GRM1: variants seen among roughly 807,000 people sequenced by gnomAD.
GRM1 encodes metabotropic glutamate receptor 1.
A neutral mutation model predicts 90.9 loss-of-function variants in GRM1; 33 were observed. The ratio of observed to expected loss-of-function variants is 0.36; its 90% CI spans 0.28 to 0.49. GRM1 has a LOEUF of 0.49. GRM1 is among the 20% of genes least tolerant of loss of function. GRM1 has a pLI of 0.99. For missense variants in GRM1, 1,190 were observed against 1,534.3 expected, an observed-to-expected ratio of 0.78 and a Z score of 3.75; for synonymous variants, 700 against 613.2, an observed-to-expected ratio of 1.14 and a Z score of -2.09.
At chr6:146,118,140 C>CTTTTTTTTTTTT (rs67033918) in intron 1 of GRM1, among the ~76,000 whole-genome samples, 1 of 115,456 alleles carries the variant, frequency 8.7e-6, no homozygotes, top group Non-Finnish European at 1.7e-5. Flanking sequence ...TTCTTCTTTT[C>CTTTTTTTTTTTT]TTTTTTTTTT....
rs369215679 is a variant in GRM1 at position 146,166,536 on chromosome 6, A to G, written c.950+6939A>G. Among the ~76,000 whole-genome samples, 55 of 152,278 alleles carry G rather than the reference A, an allele frequency of 3.6e-4. No homozygotes were observed. The South Asian group carries it at 6.2e-3, about 17-fold the overall frequency. On this transcript the variant is annotated intron_variant, in intron 2 of 7. Coordinates refer to ENST00000282753, the MANE Select transcript of GRM1 (RefSeq NM_001278064.2). ...GAGATTAGTAAATAGTAGTCGGAGT[A>G]GTAAAAAACAATTTGCAGTTCTCTT...
chr6:146,397,626 G>A (rs1443323639), intron 6 of GRM1, among the ~76,000 whole-genome samples: 2 of 152,200 alleles, frequency 1.3e-5, no homozygotes, highest in Middle Eastern at 3.4e-3. Flanking sequence ...GGAGTTTAGG[G>A]ATTGAAAACC....
At chr6:146,163,765 G>C (rs1402468529) in intron 2 of GRM1, among the ~76,000 whole-genome samples, 1 of 152,124 alleles carries the variant, frequency 6.6e-6, no homozygotes, top group Non-Finnish European at 1.5e-5. Flanking sequence ...GGGAAAATCA[G>C]CTAAAGTATC....
chr6:146,312,756 G>A (rs1783820753), intron 3 of GRM1, among the ~76,000 whole-genome samples: 1 of 152,184 alleles, frequency 6.6e-6, no homozygotes, highest in East Asian at 1.9e-4. Context: ...AGTGATTTGA[G>A]ACTGATCAAC....
chr6:146,409,379 G>A (rs1777477481), intron 7 of GRM1, among the ~76,000 whole-genome samples: 1 of 152,152 alleles, frequency 6.6e-6, no homozygotes, highest in Non-Finnish European at 1.5e-5. Flanking sequence ...GGAGGGGGAA[G>A]AAAACTCCAT....
chr6:146,245,372 A>G (rs1478013263), intron 2 of GRM1, among the ~76,000 whole-genome samples: 1 of 152,208 alleles, frequency 6.6e-6, no homozygotes, highest in Non-Finnish European at 1.5e-5. Context: ...CAGGCAAAAC[A>G]TTAGGCATGA....
At chr6:146,211,588 A>G (rs1037509154) in intron 2 of GRM1, among the ~76,000 whole-genome samples, 9 of 152,196 alleles carry the variant, frequency 5.9e-5, no homozygotes, top group Non-Finnish European at 1.3e-4. Flanking sequence ...GTTGGTGGCT[A>G]GAACATATTT....
chr6:146,271,667 TCAC>T (rs1044381428), intron 2 of GRM1, among the ~76,000 whole-genome samples: 1 of 152,212 alleles, frequency 6.6e-6, no homozygotes, highest in Admixed American at 6.5e-5. Flanking sequence ...AGGCAGTCTG[TCAC>T]CTTAAAAATT....
At chr6:146,166,358 C>T (rs1184631066) in intron 2 of GRM1, among the ~76,000 whole-genome samples, 2 of 152,060 alleles carry the variant, frequency 1.3e-5, no homozygotes, top group African/African-American at 4.8e-5. Flanking sequence ...GTGGCATTCA[C>T]TATGAATTAA....
intron 3 of GRM1, among the ~76,000 whole-genome samples, chr6:146,323,803 T>C: frequency 6.6e-6 from 1 of 152,242 alleles, no homozygotes; most frequent in Non-Finnish European, 1.5e-5. Context: ...TTCAGCTTTC[T>C]ACATATGGCT....
chr6:146,033,365 T>C (rs1468551673), intron 1 of GRM1, among the ~76,000 whole-genome samples: 1 of 152,054 alleles, frequency 6.6e-6, no homozygotes, highest in African/African-American at 2.4e-5. Flanking sequence ...AAAATACAGA[T>C]TCCCCGTCAA....
At chr6:146,271,895 G>A (rs139884158) in intron 2 of GRM1, among the ~76,000 whole-genome samples, 58 of 152,278 alleles carry the variant, frequency 3.8e-4, no homozygotes, top group Middle Eastern at 3.4e-3. Context: ...CTAACGTCTG[G>A]TAGTCTTATG....
chr6:146,043,738 A>G (rs1466382228), intron 1 of GRM1, among the ~76,000 whole-genome samples: 2 of 146,932 alleles, frequency 1.4e-5, no homozygotes, highest in African/African-American at 2.5e-5. Flanking sequence ...ATACTTTTTT[A>G]TAATTGTAAA....
At chr6:146,387,695 G>C (rs180725425) in intron 6 of GRM1, among the ~76,000 whole-genome samples, 1 of 152,070 alleles carries the variant, frequency 6.6e-6, no homozygotes, top group Non-Finnish European at 1.5e-5. Flanking sequence ...TGTGGGGTTG[G>C]TAGGTAGGGA....
At chr6:146,388,787 C>A (rs998563373) in intron 6 of GRM1, among the ~76,000 whole-genome samples, 1 of 152,076 alleles carries the variant, frequency 6.6e-6, no homozygotes, top group Non-Finnish European at 1.5e-5. Flanking sequence ...TGAGAAACAC[C>A]ACTCTCTGGC....
At chr6:146,246,882 A>G (rs1781077761) in intron 2 of GRM1, among the ~76,000 whole-genome samples, 1 of 152,180 alleles carries the variant, frequency 6.6e-6, no homozygotes, top group Non-Finnish European at 1.5e-5. Context: ...CTTGATATAC[A>G]TTGTAGTTTG....
chr6:146,124,994 C>A (rs1270577446), intron 1 of GRM1, among the ~76,000 whole-genome samples: 1 of 152,096 alleles, frequency 6.6e-6, no homozygotes, highest in African/African-American at 2.4e-5. Context: ...ATGCTAATGA[C>A]ATCATGTAAG....
chr6:146,119,411 A>T (rs757439205), intron 1 of GRM1, among the ~76,000 whole-genome samples: 1 of 152,128 alleles, frequency 6.6e-6, no homozygotes, highest in Non-Finnish European at 1.5e-5. Flanking sequence ...CTCTGATGGT[A>T]GTTTCTTTGG....
chr6:146,216,393 A>G (rs1181307456), intron 2 of GRM1, among the ~76,000 whole-genome samples: 2 of 152,332 alleles, frequency 1.3e-5, no homozygotes, highest in African/African-American at 2.4e-5. Context: ...TAGTGGTAAA[A>G]AAAACATAGT....
Sources: allele counts gnomAD v4.1 joint callset (sites outside exome capture counted in the v4.1 genomes callset), GRCh38; gene constraint gnomAD v4.1.1; transcripts MANE v1.5; gene names NCBI Gene and HGNC (gene_info 2026-07-23, HGNC 2026-07-21).